Variants in RBPMS observed in about 807,000 individuals in gnomAD.
RBPMS encodes RNA-binding protein with multiple splicing.
A neutral mutation model predicts 26.8 loss-of-function variants in RBPMS; 7 were observed. That is an observed-to-expected ratio of 0.26 (90% CI 0.15 to 0.49). The LOEUF (loss-of-function observed/expected upper bound fraction) is 0.49. Among genes scored for constraint, RBPMS ranks in the 20% least tolerant of loss-of-function variants. RBPMS has a pLI of 0.98. For synonymous variants in RBPMS, 96 were observed against 93.3 expected (o/e 1.03, Z -0.17); for missense variants, 186 against 250.0 (o/e 0.74, Z 1.73).
intron 5 of RBPMS, among the ~76,000 whole-genome samples, chr8:30,536,715 T>C (rs1210279073): frequency 6.6e-6 from 1 of 152,224 alleles, no homozygotes; most frequent in Non-Finnish European, 1.5e-5. Flanking sequence ...TGAAACACTT[T>C]TTTTATGTTA....
intron 1 of RBPMS, among the ~76,000 whole-genome samples, chr8:30,388,316 A>G (rs1292278783): frequency 6.6e-6 from 1 of 151,820 alleles, no homozygotes; most frequent in African/African-American, 2.4e-5. Context: ...TAATAGATCC[A>G]TAATTATTTG....
intron 5 of RBPMS, among the ~76,000 whole-genome samples, chr8:30,528,549 G>T (rs192760775): frequency 6.6e-6 from 1 of 152,284 alleles, no homozygotes; most frequent in African/African-American, 2.4e-5. Context: ...TGACCTTTGG[G>T]CATCTTTAGG....
intron 6 of RBPMS, chr8:30,558,422 G>A (rs1354761140): frequency 2.9e-5 from 6 of 208,608 alleles, no homozygotes; most frequent in Non-Finnish European, 4.9e-5. Flanking sequence ...AACAGGAATA[G>A]AATCGCAAAG....
chr8:30,446,506 G>T (rs979827297), intron 1 of RBPMS, among the ~76,000 whole-genome samples: 2 of 152,216 alleles, frequency 1.3e-5, no homozygotes, highest in African/African-American at 4.8e-5. Context: ...AATAGTGCGT[G>T]TATGTGTGTG....
intron 1 of RBPMS, among the ~76,000 whole-genome samples, chr8:30,424,091 G>A (rs541446589): frequency 1.4e-4 from 21 of 152,212 alleles, no homozygotes; most frequent in Admixed American, 9.2e-4. Context: ...GCCCACCTCC[G>A]TCTTCCAAAG....
chr8:30,552,542 G>A (rs1234118566), intron 6 of RBPMS: 3 of 152,242 alleles, frequency 2.0e-5, no homozygotes. Flanking sequence ...ACTGAGCTCA[G>A]CTCCTGGGGA....
chr8:30,528,752 C>G (rs894828638), intron 5 of RBPMS, among the ~76,000 whole-genome samples: 8 of 152,144 alleles, frequency 5.3e-5, no homozygotes, highest in Non-Finnish European at 1.0e-4. Context: ...ATTTGGTAAG[C>G]TGCTCATCTG....
chr8:30,558,187 A>C, intron 6 of RBPMS: 1 of 151,976 alleles, frequency 6.6e-6, no homozygotes, highest in Non-Finnish European at 1.5e-5. Context: ...TTTCCTTGGC[A>C]TAGGACCTGG....
At chr8:30,426,122 G>A (rs1019304984) in intron 1 of RBPMS, among the ~76,000 whole-genome samples, 2 of 152,274 alleles carry the variant, frequency 1.3e-5, no homozygotes, top group Non-Finnish European at 1.5e-5. Context: ...TGGCAGTGCC[G>A]GTGCTGAAAG....
At chr8:30,544,743 GAT>G (rs1825726678) in intron 6 of RBPMS, 119 bp downstream of exon 6, 1 of 1,600,248 alleles carries the variant, frequency 6.2e-7, no homozygotes, top group East Asian at 2.2e-5. Context: ...ACCCTCAAGA[GAT>G]TAATGATCCC....
intron 1 of RBPMS, among the ~76,000 whole-genome samples, chr8:30,422,040 C>G (rs935067465): frequency 3.9e-5 from 6 of 152,080 alleles, no homozygotes; most frequent in Admixed American, 6.5e-5. Context: ...AGAAAAAGTT[C>G]TTAAAAGCAG....
At chr8:30,554,136 A>T (rs749406017) in intron 6 of RBPMS, among the ~76,000 whole-genome samples, 2 of 152,204 alleles carry the variant, frequency 1.3e-5, no homozygotes, top group African/African-American at 4.8e-5. Context: ...AATGTGGTGC[A>T]GGGGAAACCT....
intron 1 of RBPMS, chr8:30,453,617 G>C (rs556038067): frequency 6.6e-6 from 1 of 152,262 alleles, no homozygotes; most frequent in African/African-American, 2.4e-5. Context: ...AACTGCAGAA[G>C]TACCTTATAA....
At chr8:30,559,595 C>T (rs540562026) in intron 7 of RBPMS, among the ~76,000 whole-genome samples, 204 of 152,308 alleles carry the variant, frequency 1.3e-3, no homozygotes, top group African/African-American at 3.8e-3. Flanking sequence ...TTCTGTAATT[C>T]AGAAATTCTG....
chr8:30,560,568 C>T (rs1471599278), intron 7 of RBPMS, among the ~76,000 whole-genome samples: 4 of 152,148 alleles, frequency 2.6e-5, no homozygotes, highest in African/African-American at 4.8e-5. Flanking sequence ...CAATGTATTT[C>T]ATATTTTAAC....
At chr8:30,485,096 T>C (rs1818647945) in intron 4 of RBPMS, among the ~76,000 whole-genome samples, 1 of 152,194 alleles carries the variant, frequency 6.6e-6, no homozygotes, top group Admixed American at 6.5e-5. Context: ...CCGTTAAGTA[T>C]GGAGGGATAC....
intron 7 of RBPMS, chr8:30,565,409 A>G (rs760086651): frequency 6.6e-6 from 1 of 152,206 alleles, no homozygotes; most frequent in African/African-American, 2.4e-5. Context: ...TCCAGTTCTC[A>G]TAAGCCTCGC....
chr8:30,546,444 G>T (rs183343303), intron 6 of RBPMS, among the ~76,000 whole-genome samples: 1 of 152,180 alleles, frequency 6.6e-6, no homozygotes, highest in Non-Finnish European at 1.5e-5. Flanking sequence ...TGGAGATACG[G>T]TATGGTAAGA....
At chr8:30,513,405 C>T (rs1256920247) in intron 5 of RBPMS, among the ~76,000 whole-genome samples, 6 of 151,722 alleles carry the variant, frequency 4.0e-5, no homozygotes, top group Non-Finnish European at 2.9e-5. Context: ...CTGGCTAACA[C>T]GGTGAAACCC....
Sources: gnomAD v4.1 joint callset for allele counts (sites outside exome capture counted in the v4.1 genomes callset) on GRCh38, gnomAD v4.1.1 for gene constraint, MANE v1.5 for transcripts, NCBI Gene and HGNC (gene_info 2026-07-23, HGNC 2026-07-21) for gene names.